ABCC1: variants seen among roughly 807,000 people sequenced by gnomAD.
The protein encoded by ABCC1 is multidrug resistance-associated protein 1.
A neutral mutation model predicts 172.9 loss-of-function variants in ABCC1; 83 were observed. The ratio of observed to expected loss-of-function variants is 0.48; its 90% CI spans 0.40 to 0.58. ABCC1 has a LOEUF of 0.58. ABCC1 is among the 20% of genes least tolerant of loss of function. The probability of loss-of-function intolerance (pLI) is 0.00; values close to 1 mark genes in which losing one functional copy is unlikely to be tolerated. For synonymous variants in ABCC1, 937 were observed against 825.2 expected, an observed-to-expected ratio of 1.14 and a Z score of -2.32; for missense variants, 1,817 against 2,002.7, an observed-to-expected ratio of 0.91 and a Z score of 1.77.
At chr16:16,032,806 G>T (rs1221317563) in intron 5 of ABCC1, among the ~76,000 whole-genome samples, 1 of 152,202 alleles carries the variant, frequency 6.6e-6, no homozygotes, top group East Asian at 1.9e-4. Flanking sequence ...GTGAAGTAGG[G>T]ATGACGTTAA....
intron 16 of ABCC1, among the ~76,000 whole-genome samples, chr16:16,082,857 A>G (rs553606604): frequency 6.6e-6 from 1 of 152,310 alleles, no homozygotes; most frequent in East Asian, 1.9e-4. Context: ...TATGTTGTCC[A>G]GGCTGGCTTT....
intron 1 of ABCC1, among the ~76,000 whole-genome samples, chr16:15,951,420 A>T (rs566246232): frequency 1.3e-5 from 2 of 151,248 alleles, no homozygotes; most frequent in African/African-American, 2.4e-5. Flanking sequence ...TTTTCTTTTT[A>T]TTTTTTCCTT....
intron 1 of ABCC1, among the ~76,000 whole-genome samples, chr16:15,954,524 G>A (rs1465153844): frequency 6.6e-6 from 1 of 151,644 alleles, no homozygotes; most frequent in East Asian, 2.0e-4. Flanking sequence ...GGCTTTGGGA[G>A]GAGATGAGGG....
At chr16:16,128,620 G>T (rs776524877) in intron 26 of ABCC1, among the ~76,000 whole-genome samples, 1 of 151,982 alleles carries the variant, frequency 6.6e-6, no homozygotes, top group African/African-American at 2.4e-5. Flanking sequence ...TCTCCATTCC[G>T]CTCACTGTGT....
intron 7 of ABCC1, among the ~76,000 whole-genome samples, chr16:16,039,998 A>T (rs1299477644): frequency 6.6e-6 from 1 of 152,140 alleles, no homozygotes; most frequent in East Asian, 1.9e-4. Flanking sequence ...AGGTGCAGTG[A>T]GAACACAGGC....
intron 24 of ABCC1, among the ~76,000 whole-genome samples, chr16:16,122,711 T>TA (rs34383577): frequency 0.18 from 20,654 of 116,076 alleles, 2,333 homozygotes; most frequent in African/African-American, 0.32. Flanking sequence ...CCATCTCTCT[T>TA]AAAAAAAAAA....
At chr16:16,069,154 A>AT (rs201811029) in intron 13 of ABCC1, among the ~76,000 whole-genome samples, 4,426 of 142,578 alleles carry the variant, frequency 0.031, 109 homozygotes, top group Non-Finnish European at 0.046. Flanking sequence ...AAAAAAAATA[A>AT]AATAAAATAA....
At position 16,111,283 on chromosome 16, in the gene ABCC1, C is replaced by A; in HGVS notation, c.2872-92C>A. On this transcript the variant is annotated intron_variant, in intron 21 of 30. Coordinates refer to ENST00000399410, the MANE Select transcript of ABCC1 (RefSeq NM_004996.4). ...GGAGCAAAGGCAGGCAGCTGGGTGG[C>A]ACAGTGCTGGTGAAGCCCCCGACCT... is the stretch of plus-strand genomic sequence containing the variant. 2 of 1,012,576 alleles carry A rather than the reference C, an allele frequency of 2.0e-6. 1 individual carries two copies. Among genetic ancestry groups the A allele is most frequent in the Non-Finnish European group, 3.1e-6 (2 of 650,264 alleles). The allele number at this position is 1,012,576 out of a possible 1,614,324, so 62.7% of individuals were successfully genotyped here.
intron 19 of ABCC1, 125 bp downstream of exon 19, chr16:16,090,713 C>T: frequency 9.6e-7 from 1 of 1,039,868 alleles, no homozygotes. Flanking sequence ...AGGGTGGGAG[C>T]TGGATGGAGC....
At chr16:16,010,503 C>T (rs982883920) in intron 3 of ABCC1, among the ~76,000 whole-genome samples, 2 of 152,146 alleles carry the variant, frequency 1.3e-5, no homozygotes, top group African/African-American at 4.8e-5. Flanking sequence ...TATATACTAA[C>T]TGCCTGGGGT....
chr16:16,131,978 G>T (rs755642720), intron 27 of ABCC1, 43 bp downstream of exon 27: 1 of 1,593,412 alleles, frequency 6.3e-7, no homozygotes, highest in Admixed American at 1.7e-5. Flanking sequence ...TCCCAGTCGG[G>T]CACAGGGTGC....
At chr16:16,080,679 C>T (rs2050771834) in intron 16 of ABCC1, among the ~76,000 whole-genome samples, 1 of 152,186 alleles carries the variant, frequency 6.6e-6, no homozygotes, top group African/African-American at 2.4e-5. Flanking sequence ...CAGCCCCCTC[C>T]CTCTTGGAGA....
chr16:16,118,292 T>C (rs1393163952), intron 23 of ABCC1, among the ~76,000 whole-genome samples: 1 of 152,120 alleles, frequency 6.6e-6, no homozygotes, highest in African/African-American at 2.4e-5. Flanking sequence ...CAGGGGGCCT[T>C]GGTTCAATCA....
intron 22 of ABCC1, 111 bp from the exon 23 acceptor site, chr16:16,114,655 T>C: frequency 1.0e-6 from 1 of 971,068 alleles, no homozygotes; most frequent in Non-Finnish European, 1.5e-6. Flanking sequence ...ATTATTATTA[T>C]TATTAGAAGT....
chr16:16,013,232 A>G (rs1300766122), intron 3 of ABCC1, among the ~76,000 whole-genome samples: 1 of 151,400 alleles, frequency 6.6e-6, no homozygotes, highest in Non-Finnish European at 1.5e-5. Context: ...CAGGATATGC[A>G]GGCACTGGTA....
chr16:16,069,001 A>C (rs961631912), intron 13 of ABCC1, among the ~76,000 whole-genome samples: 2 of 150,816 alleles, frequency 1.3e-5, no homozygotes, highest in African/African-American at 4.9e-5. Flanking sequence ...ATTAAAAAAA[A>C]AAAAAAGAAA....
At chr16:16,071,464 T>C (rs1222464626) in intron 13 of ABCC1, among the ~76,000 whole-genome samples, 178 bp from the exon 14 acceptor site, 2 of 152,140 alleles carry the variant, frequency 1.3e-5, no homozygotes, top group Admixed American at 1.3e-4. Flanking sequence ...AACCTGTTTC[T>C]TTTTTTGTTT....
At chr16:16,101,418 A>G (rs914900909) in intron 19 of ABCC1, among the ~76,000 whole-genome samples, 1 of 152,162 alleles carries the variant, frequency 6.6e-6, no homozygotes, top group Non-Finnish European at 1.5e-5. Context: ...CCCTCTGTCC[A>G]GGAATGATCT....
chr16:16,071,767 G>T, intron 14 of ABCC1, 38 bp downstream of exon 14: 2 of 1,561,466 alleles, frequency 1.3e-6, no homozygotes, highest in Non-Finnish European at 1.8e-6. Context: ...GGAAGTGGCC[G>T]CCTTCCCATC....
Sources: gnomAD v4.1 joint callset for allele counts (sites outside exome capture counted in the v4.1 genomes callset) on GRCh38, gnomAD v4.1.1 for gene constraint, MANE v1.5 for transcripts, NCBI Gene and HGNC (gene_info 2026-07-23, HGNC 2026-07-21) for gene names.